The following TTLL4 variants were observed in gnomAD, a reference collection of about 807,000 sequenced individuals.
The protein encoded by TTLL4 is tubulin monoglutamylase TTLL4.
In TTLL4, 85 loss-of-function variants were observed where a neutral mutation model predicts 122.7. The observed-to-expected ratio is 0.69, with a 90% CI of 0.58 to 0.83. The LOEUF is 0.83. Among genes scored for constraint, TTLL4 ranks in the 40% least tolerant of loss-of-function variants. TTLL4 has a pLI of 0.00. For synonymous variants in TTLL4, 553 were observed against 563.0 expected, an observed-to-expected ratio of 0.98 and a Z score of 0.25; for missense variants, 1,363 against 1,488.6, an observed-to-expected ratio of 0.92 and a Z score of 1.39.
chr2:218,732,770 C>T (rs1264453702), intron 2 of TTLL4, among the ~76,000 whole-genome samples: 3 of 152,198 alleles, frequency 2.0e-5, no homozygotes, highest in African/African-American at 7.2e-5. Flanking sequence ...GGGACCCAAG[C>T]TGCCTGAATG....
intron 1 of TTLL4, among the ~76,000 whole-genome samples, chr2:218,711,857 T>G (rs1300462022): frequency 1.1e-5 from 1 of 88,594 alleles, no homozygotes; most frequent in Non-Finnish European, 3.1e-5. Flanking sequence ...CTTCTTTGCT[T>G]TCTCAGATAC....
At chr2:218,732,948 T>TA (rs2106421870) in intron 2 of TTLL4, among the ~76,000 whole-genome samples, 1 of 152,338 alleles carries the variant, frequency 6.6e-6, no homozygotes, top group East Asian at 1.9e-4. Context: ...TTGTATGTGA[T>TA]ACTGTCGTGA....
At position 218,753,567 on chromosome 2, in the gene TTLL4, G is replaced by C; in HGVS notation, c.3259-17G>C. The C allele has an allele frequency of 6.2e-7, 1 of 1,613,738 alleles. No individual in the cohort carries two copies. The highest frequency in any genetic ancestry group is 8.5e-7 in the Non-Finnish European group (1 of 1,179,838). On this transcript the variant is annotated splice_polypyrimidine_tract_variant and intron_variant, in intron 18 of 19. Coordinates refer to ENST00000392102, the MANE Select transcript of TTLL4 (RefSeq NM_014640.5). ...CTCCGCCAAGCCTTTTGGTCTCATTGCTTCCTTTGCTCTTAGTGGTCTCTC... is the reference window on the plus strand; with the variant it reads ...CTCCGCCAAGCCTTTTGGTCTCATTCCTTCCTTTGCTCTTAGTGGTCTCTC...
intron 12 of TTLL4, 182 bp from the exon 13 acceptor site, chr2:218,748,654 C>CA (rs570493846): frequency 0.22 from 49,193 of 227,546 alleles, 3,684 homozygotes; most frequent in African/African-American, 0.42. Context: ...AACTCCATCT[C>CA]AAAAAAAAAA....
At chr2:218,753,348 C>A in intron 18 of TTLL4, 163 bp downstream of exon 18, 1 of 904,918 alleles carries the variant, frequency 1.1e-6, no homozygotes, top group Non-Finnish European at 1.7e-6. Flanking sequence ...TAGTTGCCTC[C>A]AGGATTCCCT....
chr2:218,747,407 C>T lies in TTLL4; in HGVS notation c.2249+35C>T. ...TAGCACATATCCCTTACCCCATCCT[C>T]CCACCTCCTTGGCCTCGAGGTTCCC... On this transcript the variant is annotated intron_variant, in intron 10 of 19. Transcript: ENST00000392102. The surrounding 1 kb of genome is among the most constrained non-coding windows in gnomAD (Gnocchi z 4.7). The T allele has an allele frequency of 1.2e-6, 2 of 1,607,312 alleles. No individual in the cohort carries two copies. Among genetic ancestry groups the T allele is most frequent in the Non-Finnish European group, 1.7e-6 (2 of 1,176,164 alleles).
rs755493315 is a variant in TTLL4, at chr2:218,747,109, C to T, written c.2081C>T (p.Pro694Leu). ...RFGKKEFSFF[P>L]QSFILPQDAK... ...GGCAAGAAGGAGTTCAGTTTCTTCC[C>T]CCAGTCCTTTATCCTGCCCCAGGAC... Residue 694 changes from proline (P) to leucine (L), a missense_variant, in exon 9 of 20, where the codon CCC (proline) becomes CTC (leucine). Pro to Leu is a moderately conservative substitution (Grantham distance 98). This residue lies in a region of TTLL4 where 596 missense variants were observed against 655.8 expected (regional missense o/e 0.91). Coordinates refer to ENST00000392102, the MANE Select transcript of TTLL4 (RefSeq NM_014640.5). The surrounding 1 kb of genome is among the most constrained non-coding windows in gnomAD (Gnocchi z 4.7). 3.1e-6 allele frequency: 5 copies of T among 1,614,086 alleles called. No individual in the cohort carries two copies. Among genetic ancestry groups the T allele is most frequent in the Non-Finnish European group, 4.2e-6 (5 of 1,180,044 alleles).
In TTLL4 at chr2:218,747,329, A is replaced by C. The variant is rs1942871701; in HGVS notation, c.2206A>C (p.Lys736Gln). ...ARGIGIQVIH[K>Q]WSQLPKRRPL... ...AGGCATTGGCATCCAGGTTATTCAC[A>C]AGTGGAGTCAGCTCCCCAAGCGAAG... Residue 736 changes from lysine to glutamine, a missense_variant, in exon 10 of 20, where the codon AAG becomes CAG. Coordinates refer to ENST00000392102, the MANE Select transcript of TTLL4 (RefSeq NM_014640.5). The surrounding 1 kb of genome is among the most constrained non-coding windows in gnomAD (Gnocchi z 4.7). 8 of 1,614,046 alleles carry C rather than the reference A, an allele frequency of 5.0e-6. No homozygotes were observed. Among genetic ancestry groups the C allele is most frequent in the Non-Finnish European group, 6.8e-6 (8 of 1,180,038 alleles).
At chr2:218,758,243 A>G (rs949994537), downstream of TTLL4, among the ~76,000 whole-genome samples, 1 of 152,200 alleles carries the variant, frequency 6.6e-6, no homozygotes, top group Non-Finnish European at 1.5e-5. Context: ...ATAGACTGAG[A>G]TACATGGAAT....
At chr2:218,745,039 G>A (rs2272192) in intron 5 of TTLL4, 70 bp from the exon 6 acceptor site, 80,426 of 1,575,142 alleles carry the variant, frequency 0.051, 2,170 homozygotes, top group East Asian at 0.067. Flanking sequence ...TAAATCGTAC[G>A]TCGTAGTAAC....
chr2:218,736,006 ACT>A (rs1176509368), intron 2 of TTLL4, among the ~76,000 whole-genome samples: 3 of 114,278 alleles, frequency 2.6e-5, no homozygotes, highest in African/African-American at 1.1e-4. Flanking sequence ...ACAGGGTCTC[ACT>A]CTGTCACCCA....
chr2:218,750,585 C>CT (rs1942989626), intron 15 of TTLL4, among the ~76,000 whole-genome samples: 2 of 152,130 alleles, frequency 1.3e-5, no homozygotes, highest in Admixed American at 6.6e-5. Flanking sequence ...TCCCAGCTTC[C>CT]TTTTTCTTGG....
At position 218,738,923 on chromosome 2, in the gene TTLL4, C is replaced by A. The variant is rs987511798; in HGVS notation, c.1247C>A (p.Thr416Asn). Residue 416 changes from threonine (T) to asparagine (N), a missense_variant, in exon 3 of 20, where the codon ACC (threonine) becomes AAC (asparagine). This residue lies in a region of TTLL4 where 760 missense variants were observed against 808.4 expected (regional missense o/e 0.94). Transcript: ENST00000392102. Reference sequence around the variant, plus strand: ...GGGTTGGACAATACAGTCTTCTGTACCAAGCGTATCAGCATTCACCTCCTT... The same window carrying A: ...GGGTTGGACAATACAGTCTTCTGTAACAAGCGTATCAGCATTCACCTCCTT... Reference protein sequence around the residue: ...TLGLDNTVFCTKRISIHLLAS... With the variant: ...TLGLDNTVFCNKRISIHLLAS... 1.9e-6 allele frequency: 3 copies of A among 1,614,176 alleles called. No homozygotes were observed. Among genetic ancestry groups the A allele is most frequent in the Admixed American group, 3.3e-5 (2 of 60,018 alleles).
chr2:218,731,370 C>G (rs1162029985), intron 2 of TTLL4, among the ~76,000 whole-genome samples: 1 of 151,394 alleles, frequency 6.6e-6, no homozygotes, highest in Non-Finnish European at 1.5e-5. Flanking sequence ...AAGATTGTAC[C>G]ACTACACTCC....
At chr2:218,731,811 G>A (rs1039217628) in intron 2 of TTLL4, among the ~76,000 whole-genome samples, 3 of 152,218 alleles carry the variant, frequency 2.0e-5, no homozygotes, top group African/African-American at 7.2e-5. Flanking sequence ...GTCACCACAA[G>A]GCCGTAGCTG....
chr2:218,726,873 C>G (rs1052907883), intron 1 of TTLL4, among the ~76,000 whole-genome samples: 1 of 151,962 alleles, frequency 6.6e-6, no homozygotes, highest in Admixed American at 6.6e-5. Context: ...GATGCAATCT[C>G]AGCTCACTGC....
intron 3 of TTLL4, among the ~76,000 whole-genome samples, 176 bp downstream of exon 3, chr2:218,739,339 T>G (rs1202881132): frequency 6.6e-6 from 1 of 152,256 alleles, no homozygotes. Context: ...CAAATCTTGC[T>G]TGTTGCCTGC....
rs189963538 is a variant in TTLL4, at chr2:218,728,426, C to T, written c.-99+1079C>T. ...CATGGGCAGTTCATAATAGGGTGAG[C>T]GCTCCTATGAGAATCTAATGTTGCC... On this transcript the variant is annotated intron_variant, in intron 2 of 19. Coordinates refer to ENST00000392102, the MANE Select transcript of TTLL4 (RefSeq NM_014640.5). Among the ~76,000 whole-genome samples the T allele has an allele frequency of 2.8e-3, 424 of 152,158 alleles. 3 individuals are homozygous for T. Among genetic ancestry groups the T allele is most frequent in the African/African-American group, 9.9e-3 (411 of 41,502 alleles).
At chr2:218,717,394 G>A (rs1376708827) in intron 1 of TTLL4, among the ~76,000 whole-genome samples, 1 of 152,134 alleles carries the variant, frequency 6.6e-6, no homozygotes, top group Non-Finnish European at 1.5e-5. Flanking sequence ...GGAGGAAAGA[G>A]CCTCCTTCCC....
Sources: gnomAD v4.1 joint callset for allele counts (sites outside exome capture counted in the v4.1 genomes callset) on GRCh38, gnomAD v4.1.1 for gene constraint, gnomAD v4.1.1 regional missense constraint, Gnocchi (gnomAD v3.1) non-coding constraint, MANE v1.5 for transcripts, NCBI Gene and HGNC (gene_info 2026-07-23, HGNC 2026-07-21) for gene names.